Variants in PAPSS2 observed in about 807,000 individuals in gnomAD.
PAPSS2 encodes the protein bifunctional 3'-phosphoadenosine 5'-phosphosulfate synthase 2.
Under a neutral mutation model 66.5 loss-of-function variants are expected in PAPSS2, and 61 were observed. That is an observed-to-expected ratio of 0.92 (90% CI 0.75 to 1.14). The LOEUF is 1.14. Among genes scored for constraint, PAPSS2 ranks in the 50% most tolerant of loss-of-function variants. PAPSS2 has a pLI of 0.00. For missense variants in PAPSS2, 708 were observed against 789.6 expected (o/e 0.90, Z 1.24); for synonymous variants, 289 against 287.5 (o/e 1.01, Z -0.05).
At chr10:87,671,727 T>C (rs1317679846) in intron 1 of PAPSS2, among the ~76,000 whole-genome samples, 1 of 152,174 alleles carries the variant, frequency 6.6e-6, no homozygotes, top group Non-Finnish European at 1.5e-5. Flanking sequence ...TTCAGGGAGA[T>C]TGTTTTATAT....
Position 87,746,246 on chromosome 10 carries a change from A to AG in PAPSS2, c.*278dup, listed in dbSNP as rs979849083. The AG allele has an allele frequency of 3.1e-5, 7 of 228,148 alleles. No homozygotes were observed. The highest frequency in any genetic ancestry group is 1.6e-4 in the Admixed American group (3 of 19,282). 14.1% of individuals were successfully genotyped at this position (228,148 alleles called of 1,614,324 possible). On this transcript the variant is annotated 3_prime_UTR_variant, in exon 13 of 13. Coordinates refer to ENST00000456849, the MANE Select transcript of PAPSS2 (RefSeq NM_001015880.2). ...TATGTATTTTCTACTGCACCTGAGC[A>AG]GGCAGGTCCCAGATTTCTTAAGGCT...
chr10:87,741,055 T>C (rs1402841958), intron 9 of PAPSS2, among the ~76,000 whole-genome samples, 180 bp from the exon 10 acceptor site: 1 of 152,182 alleles, frequency 6.6e-6, no homozygotes, highest in Non-Finnish European at 1.5e-5. Flanking sequence ...ACTCAATAAT[T>C]TTTTAAGAGC....
At chr10:87,699,513 G>A (rs974018232) in intron 1 of PAPSS2, among the ~76,000 whole-genome samples, 14 of 152,184 alleles carry the variant, frequency 9.2e-5, no homozygotes, top group Non-Finnish European at 1.6e-4. Flanking sequence ...TTGTTTTACA[G>A]GACTCACTTG....
At chr10:87,667,058 T>C (rs1284262098) in intron 1 of PAPSS2, among the ~76,000 whole-genome samples, 2 of 152,228 alleles carry the variant, frequency 1.3e-5, no homozygotes, top group African/African-American at 4.8e-5. Flanking sequence ...ATTAAAGCTT[T>C]CCCAAAAGGT....
chr10:87,684,796 G>A (rs1853067021), intron 1 of PAPSS2, among the ~76,000 whole-genome samples: 1 of 152,212 alleles, frequency 6.6e-6, no homozygotes, highest in Non-Finnish European at 1.5e-5. Context: ...AGTGGCTTTA[G>A]AATTGATTAC....
At chr10:87,723,570 C>T (rs928199225) in intron 8 of PAPSS2, among the ~76,000 whole-genome samples, 1 of 152,164 alleles carries the variant, frequency 6.6e-6, no homozygotes, top group African/African-American at 2.4e-5. Flanking sequence ...TTGAATGACA[C>T]ACCATTACTT....
intron 1 of PAPSS2, among the ~76,000 whole-genome samples, chr10:87,670,935 T>G (rs1055580831): frequency 1.3e-5 from 2 of 152,194 alleles, no homozygotes; most frequent in African/African-American, 4.8e-5. Flanking sequence ...TAACATCCCT[T>G]GGGATTCAGG....
chr10:87,711,833 T>G (rs555508299), intron 2 of PAPSS2, among the ~76,000 whole-genome samples: 1 of 152,262 alleles, frequency 6.6e-6, no homozygotes, highest in South Asian at 2.1e-4. Context: ...CTTCTCTGTA[T>G]GAACCTCTTG....
At chr10:87,681,346 C>T (rs973309412) in intron 1 of PAPSS2, among the ~76,000 whole-genome samples, 2 of 152,120 alleles carry the variant, frequency 1.3e-5, no homozygotes, top group Non-Finnish European at 2.9e-5. Flanking sequence ...AAAAGACTAT[C>T]AAACAGGAGG....
intron 9 of PAPSS2, among the ~76,000 whole-genome samples, chr10:87,736,736 T>G (rs1436509730): frequency 1.3e-5 from 2 of 152,220 alleles, no homozygotes; most frequent in Non-Finnish European, 2.9e-5. Flanking sequence ...CTTTGACAAC[T>G]ATGCCTTAAT....
chr10:87,674,949 C>T (rs1470828175), intron 1 of PAPSS2, among the ~76,000 whole-genome samples: 1 of 152,184 alleles, frequency 6.6e-6, no homozygotes, highest in Admixed American at 6.5e-5. Context: ...TGCCCACATG[C>T]ATGTATGCAC....
At chr10:87,698,218 G>T (rs1277005708) in intron 1 of PAPSS2, among the ~76,000 whole-genome samples, 1 of 152,054 alleles carries the variant, frequency 6.6e-6, no homozygotes, top group Non-Finnish European at 1.5e-5. Flanking sequence ...AAATCAACTT[G>T]GTTGTATGTA....
chr10:87,729,046 T>C (rs1213739626), intron 9 of PAPSS2, among the ~76,000 whole-genome samples: 1 of 152,130 alleles, frequency 6.6e-6, no homozygotes, highest in Admixed American at 6.5e-5. Flanking sequence ...TTATCTTTAC[T>C]CAGTGACTGA....
chr10:87,690,337 A>C (rs1159418731), intron 1 of PAPSS2, among the ~76,000 whole-genome samples: 1 of 152,210 alleles, frequency 6.6e-6, no homozygotes, highest in African/African-American at 2.4e-5. Context: ...TGTGGAAAGG[A>C]GGATTAAGCA....
intron 1 of PAPSS2, among the ~76,000 whole-genome samples, chr10:87,683,692 CT>C (rs11304506): frequency 0.56 from 78,812 of 140,410 alleles, 21,216 homozygotes; most frequent in East Asian, 0.75. Context: ...GAGATAAAAT[CT>C]TTTTTTTTTT....
intron 1 of PAPSS2, among the ~76,000 whole-genome samples, chr10:87,661,847 T>TAG (rs1852756636): frequency 6.6e-6 from 1 of 152,150 alleles, no homozygotes; most frequent in Admixed American, 6.5e-5. Flanking sequence ...AAATAGAACT[T>TAG]TTCTGAATTT....
In PAPSS2 at chr10:87,714,974, T is replaced by C. The variant is rs1285974533; in HGVS notation, c.640-11T>C. ...AGTTTTCAAGTTTTTACCAATGCTG[T>C]TTCATTTCAGAACATTGTACCCTAT... On this transcript the variant is annotated splice_polypyrimidine_tract_variant and intron_variant, in intron 5 of 12. Transcript: ENST00000456849. The C allele has an allele frequency of 6.4e-7, 1 of 1,559,310 alleles. No homozygotes were observed. Among genetic ancestry groups the C allele is most frequent in the Admixed American group, 1.7e-5 (1 of 59,918 alleles).
chr10:87,707,922 G>C (rs919276944), intron 1 of PAPSS2, among the ~76,000 whole-genome samples: 3 of 152,074 alleles, frequency 2.0e-5, no homozygotes, highest in Non-Finnish European at 4.4e-5. Flanking sequence ...TCTTAGCTCT[G>C]GTGGGTATGC....
chr10:87,680,997 C>T (rs1282139464), intron 1 of PAPSS2, among the ~76,000 whole-genome samples: 5 of 152,158 alleles, frequency 3.3e-5, no homozygotes, highest in African/African-American at 1.2e-4. Flanking sequence ...ATGTGTTTCT[C>T]AACTGGGGGT....
Sources: gnomAD v4.1 joint callset for allele counts (sites outside exome capture counted in the v4.1 genomes callset) on GRCh38, gnomAD v4.1.1 for gene constraint, MANE v1.5 for transcripts, NCBI Gene and HGNC (gene_info 2026-07-23, HGNC 2026-07-21) for gene names.